FBXO8: variants seen among roughly 807,000 people sequenced by gnomAD.
FBXO8 encodes F-box protein 8.
Under a neutral mutation model 33.4 loss-of-function variants are expected in FBXO8, and 15 were observed. The ratio of observed to expected loss-of-function variants is 0.45; its 90% confidence interval spans 0.30 to 0.69. The LOEUF is 0.69. FBXO8 is among the 30% of genes least tolerant of loss of function. The pLI is 0.08. For synonymous variants in FBXO8, 132 were observed against 131.5 expected (o/e 1.00, Z -0.02); for missense variants, 274 against 380.3 (o/e 0.72, Z 2.32).
At chr4:174,244,043 T>C (rs1425423212) in intron 3 of FBXO8, among the ~76,000 whole-genome samples, 1 of 151,334 alleles carries the variant, frequency 6.6e-6, no homozygotes, top group Non-Finnish European at 1.5e-5. Flanking sequence ...GAAGAAGATA[T>C]ACTTAGGAAA....
Position 174,270,168 on chromosome 4 carries a change from C to T in FBXO8, c.-8-7068G>A, listed in dbSNP as rs892678299. On this transcript the variant is annotated intron_variant, in intron 1 of 5. Transcript: ENST00000393674. The surrounding 1 kb of genome is among the most constrained non-coding windows in gnomAD (Gnocchi z 4.6). ...TTGTGTATAAACATGCCACATTAGC[C>T]GAGACAGAGCTATTTTATTAAATTA... Among the ~76,000 whole-genome samples, 5 of 152,028 alleles carry T rather than the reference C, an allele frequency of 3.3e-5. No homozygotes were observed. Among genetic ancestry groups the T allele is most frequent in the African/African-American group, 7.2e-5 (3 of 41,384 alleles).
rs2126413782 is a variant in FBXO8 at position 174,241,051 on chromosome 4, A to G, written c.575+49T>C. The G allele has an allele frequency of 1.0e-5, 12 of 1,180,854 alleles. No homozygotes were observed. Among genetic ancestry groups the G allele is most frequent in the Non-Finnish European group, 1.5e-5 (12 of 812,346 alleles). 73.1% of individuals were successfully genotyped at this position (1,180,854 alleles called of 1,614,324 possible). On this transcript the variant is annotated intron_variant, in intron 4 of 5. Transcript: ENST00000393674. This position sits in a 1 kb window ranked among gnomAD's most constrained non-coding sequence, Gnocchi z 4.2. ...TTTTAAAGTAAAACTTAACTCATCA[A>G]AAACATTACTTAACTCATTTTGGAT...
chr4:174,282,826 G>A (rs7685970), intron 1 of FBXO8, among the ~76,000 whole-genome samples: 9,608 of 152,184 alleles, frequency 0.063, 416 homozygotes, highest in South Asian at 0.21. Flanking sequence ...AAATGACTGA[G>A]GATTGGGATC....
rs1478201547 is a variant in FBXO8 at position 174,262,527 on chromosome 4, T to C, written c.329+237A>G. The stretch of plus-strand genomic sequence containing the variant: ...CTTATAATCAACTGACAGAGCCTGA[T>C]TGGTAACCTCTCTTCTAACTGTAAA... On this transcript the variant is annotated intron_variant, in intron 2 of 5. Coordinates refer to ENST00000393674, the MANE Select transcript of FBXO8 (RefSeq NM_012180.3). The surrounding 1 kb of genome is among the most constrained non-coding windows in gnomAD (Gnocchi z 4.6). Among the ~76,000 whole-genome samples, 1 of 152,212 alleles carries C rather than the reference T, an allele frequency of 6.6e-6. No individual in the cohort carries two copies. The highest frequency in any genetic ancestry group is 6.5e-5 in the Admixed American group (1 of 15,280).
At chr4:174,242,009 TA>T (rs1736051868) in intron 3 of FBXO8, among the ~76,000 whole-genome samples, 1 of 151,526 alleles carries the variant, frequency 6.6e-6, no homozygotes, top group Non-Finnish European at 1.5e-5. Context: ...TTCTCTCACA[TA>T]TACAGAGGTT....
In FBXO8 at chr4:174,259,787, T is replaced by G. The variant is rs61748174; in HGVS notation, c.368A>C (p.Asn123Thr). The G allele has an allele frequency of 1.2e-6, 2 of 1,611,476 alleles. No individual in the cohort carries two copies. Among genetic ancestry groups the G allele is most frequent in the South Asian group, 2.2e-5 (2 of 90,706 alleles). ...AGAAAATCCTAAAGGTGGGTTCTTA[T>G]TGTATATGGAACAGTGACCCCAAGT... The part of the protein sequence containing the change: ...KSTWGHCSIY[N>T]KNPPLGFSFR... Residue 123 changes from asparagine to threonine, a missense_variant, in exon 3 of 6, where the codon AAT (asparagine) becomes ACT (threonine). Physicochemically the swap from Asn to Thr is moderately conservative, Grantham distance 65. Coordinates refer to ENST00000393674, the MANE Select transcript of FBXO8 (RefSeq NM_012180.3). The surrounding 1 kb of genome is among the most constrained non-coding windows in gnomAD (Gnocchi z 4.3).
chr4:174,279,871 T>G (rs1737039049), intron 1 of FBXO8, among the ~76,000 whole-genome samples: 1 of 151,942 alleles, frequency 6.6e-6, no homozygotes, highest in Non-Finnish European at 1.5e-5. Context: ...GACTTAAATC[T>G]AAGACATAAA....
chr4:174,239,103 G>A lies in FBXO8; in HGVS notation c.663C>T (p.Ile221=). 1 of 1,607,774 alleles carries A rather than the reference G, an allele frequency of 6.2e-7. No homozygotes were observed. Among genetic ancestry groups the A allele is most frequent in the South Asian group, 1.1e-5 (1 of 90,278 alleles). The change falls in exon 5 of 6, where the codon ATC becomes ATT. Residue 221 remains isoleucine (I), a synonymous_variant. Transcript: ENST00000393674. ...PNALREFFRH[I]HAPEERGEYL... ...ACTCTCCACGCTCTTCAGGGGCATG[G>A]ATATGACGAAAAAATTCTCTCAGTG...
intron 1 of FBXO8, among the ~76,000 whole-genome samples, chr4:174,266,593 G>A (rs190472420): frequency 2.0e-5 from 3 of 152,250 alleles, no homozygotes; most frequent in Admixed American, 6.5e-5. Context: ...CTCTCAAAAT[G>A]ACGTGACATC....
chr4:174,275,148 C>T lies in FBXO8; in HGVS notation c.-9+8262G>A, dbSNP rs547585124. Among the ~76,000 whole-genome samples the T allele has an allele frequency of 2.6e-5, 4 of 152,186 alleles. No homozygotes were observed. The highest frequency in any genetic ancestry group is 7.2e-5 in the African/African-American group (3 of 41,516). On this transcript the variant is annotated intron_variant, in intron 1 of 5. Transcript: ENST00000393674. The surrounding 1 kb of genome is among the most constrained non-coding windows in gnomAD (Gnocchi z 4.4). The stretch of plus-strand genomic sequence containing the variant: ...AAAATGGGCAAAAGATATAAACACA[C>T]GTTTCATGAAAGAGGATATACAAAT...
rs1025338693 is a variant in FBXO8, at chr4:174,261,692, T to C, written c.329+1072A>G. Among the ~76,000 whole-genome samples the C allele has an allele frequency of 6.6e-6, 1 of 152,026 alleles. No individual in the cohort carries two copies. The highest frequency in any genetic ancestry group is 1.5e-5 in the Non-Finnish European group (1 of 67,908). ...AACAAGATATGATATTGATGATTTT[T>C]ATCTATTTAGAGGTTGAGAAATGAC... On this transcript the variant is annotated intron_variant, in intron 2 of 5. Coordinates refer to ENST00000393674, the MANE Select transcript of FBXO8 (RefSeq NM_012180.3). The surrounding 1 kb of genome is among the most constrained non-coding windows in gnomAD (Gnocchi z 4.1).
At chr4:174,276,369 C>T (rs186098102) in intron 1 of FBXO8, among the ~76,000 whole-genome samples, 2 of 152,172 alleles carry the variant, frequency 1.3e-5, no homozygotes, top group East Asian at 3.9e-4. Flanking sequence ...TCCCGAGTAG[C>T]TGGGACTACA....
rs954721739 is a variant in FBXO8 at position 174,277,196 on chromosome 4, G to A, written c.-9+6214C>T. ...TTTCTATACTTTTTAACTTCTAGAA[G>A]ATCGTTACATTTCTAAGAGATGGTA... On this transcript the variant is annotated intron_variant, in intron 1 of 5. Transcript: ENST00000393674. The surrounding 1 kb of genome is among the most constrained non-coding windows in gnomAD (Gnocchi z 4.9). 1.3e-5 allele frequency among the ~76,000 whole-genome samples: 2 copies of A among 152,038 alleles called. No individual in the cohort carries two copies. Among genetic ancestry groups the A allele is most frequent in the Non-Finnish European group, 2.9e-5 (2 of 67,984 alleles).
In FBXO8 at chr4:174,241,144, T is replaced by C. The variant is rs747934426; in HGVS notation, c.531A>G (p.Thr177=). ...TCAGTTTTTTCCAATTTAGTGTTCT[T>C]GTACAGAAGATAAACTTTGCTATTT... The part of the protein sequence containing the change: ...PKEIAKFIFC[T]RTLNWKKLRI... Residue 177 remains threonine, a synonymous_variant, in exon 4 of 6, where the codon ACA becomes ACG. Transcript: ENST00000393674. This position sits in a 1 kb window ranked among gnomAD's most constrained non-coding sequence, Gnocchi z 4.2. 5.0e-6 allele frequency: 8 copies of C among 1,610,038 alleles called. No homozygotes were observed. The highest frequency in any genetic ancestry group is 5.9e-6 in the Non-Finnish European group (7 of 1,177,474).
chr4:174,253,733 C>T lies in FBXO8; in HGVS notation c.456+5966G>A, dbSNP rs1183367408. Among the ~76,000 whole-genome samples, 1 of 152,128 alleles carries T rather than the reference C, an allele frequency of 6.6e-6. No individual in the cohort carries two copies. Among genetic ancestry groups the T allele is most frequent in the Non-Finnish European group, 1.5e-5 (1 of 68,036 alleles). On this transcript the variant is annotated intron_variant, in intron 3 of 5. Transcript: ENST00000393674. This position sits in a 1 kb window ranked among gnomAD's most constrained non-coding sequence, Gnocchi z 4.5. The stretch of plus-strand genomic sequence containing the variant: ...TATTCGCTAGTGCTCTAGGGGTGCT[C>T]GTGTGATTCAATTATGTTCTATAAG...
chr4:174,252,759 G>C lies in FBXO8; in HGVS notation c.456+6940C>G, dbSNP rs1736324495. Among the ~76,000 whole-genome samples, 1 of 151,888 alleles carries C rather than the reference G, an allele frequency of 6.6e-6. No homozygotes were observed. Among genetic ancestry groups the C allele is most frequent in the South Asian group, 2.1e-4 (1 of 4,806 alleles). On this transcript the variant is annotated intron_variant, in intron 3 of 5. Transcript: ENST00000393674. This position sits in a 1 kb window ranked among gnomAD's most constrained non-coding sequence, Gnocchi z 5.1. ...ATGATGACTCATTCCTGTAATTCCA[G>C]CACTTTGGGAGGCCGAGGCAGGTGG...
intron 1 of FBXO8, among the ~76,000 whole-genome samples, chr4:174,268,304 T>C (rs1318946719): frequency 6.6e-6 from 1 of 152,230 alleles, no homozygotes; most frequent in African/African-American, 2.4e-5. Context: ...TGTGAACTCA[T>C]GGCCAACCGC....
chr4:174,238,861 C>A, intron 5 of FBXO8, 133 bp downstream of exon 5: 1 of 581,234 alleles, frequency 1.7e-6, no homozygotes, highest in Non-Finnish European at 2.8e-6. Context: ...TCAGTCACTG[C>A]TACAAACAGT....
intron 3 of FBXO8, among the ~76,000 whole-genome samples, chr4:174,258,276 G>A (rs1736463271): frequency 6.6e-6 from 1 of 151,980 alleles, no homozygotes. Flanking sequence ...AAAACAAGGT[G>A]AAAACAAGTA....
Sources: allele counts gnomAD v4.1 joint callset (sites outside exome capture counted in the v4.1 genomes callset), GRCh38; gene constraint gnomAD v4.1.1; non-coding constraint Gnocchi (gnomAD v3.1); transcripts MANE v1.5; gene names NCBI Gene and HGNC (gene_info 2026-07-23, HGNC 2026-07-21).